The following PTPRG variants were observed in gnomAD, a reference collection of about 807,000 sequenced individuals.
PTPRG encodes protein tyrosine phosphatase receptor type G, also known as receptor-type tyrosine-protein phosphatase gamma.
Under a neutral mutation model 165.3 loss-of-function variants are expected in PTPRG, and 102 were observed. The ratio of observed to expected loss-of-function variants is 0.62; its 90% CI spans 0.53 to 0.73. The LOEUF (loss-of-function observed/expected upper bound fraction) is 0.73, where lower values mean the gene tolerates loss of function less well. Ranked by LOEUF, PTPRG falls within the 30% of genes least tolerant of loss-of-function variation. PTPRG has a pLI of 0.00. For missense variants in PTPRG, 1,866 were observed against 1,861.4 expected (o/e 1.00, Z -0.05); for synonymous variants, 675 against 669.5 (o/e 1.01, Z -0.13).
At chr3:62,139,701 G>C (rs989522308) in intron 6 of PTPRG, among the ~76,000 whole-genome samples, 1 of 152,196 alleles carries the variant, frequency 6.6e-6, no homozygotes, top group African/African-American at 2.4e-5. Context: ...GCTATGACAA[G>C]ATCAAAACTT....
At chr3:62,143,771 A>G (rs988259803) in intron 6 of PTPRG, among the ~76,000 whole-genome samples, 2 of 152,162 alleles carry the variant, frequency 1.3e-5, no homozygotes, top group African/African-American at 4.8e-5. Flanking sequence ...CAGTACTTCA[A>G]AGTTCAGGCT....
chr3:61,586,433 T>G (rs1381125129), intron 1 of PTPRG, among the ~76,000 whole-genome samples: 1 of 152,198 alleles, frequency 6.6e-6, no homozygotes, highest in African/African-American at 2.4e-5. Flanking sequence ...ACCTTCCCAG[T>G]GCAGGGGAAT....
Position 62,110,089 on chromosome 3 carries a change from CTTTTTTTTT to C in PTPRG, c.616-22498_616-22490del, listed in dbSNP as rs371457716. On this transcript the variant is annotated intron_variant, in intron 5 of 29. Coordinates refer to ENST00000474889, the MANE Select transcript of PTPRG (RefSeq NM_002841.4). ...TCTCTCTCTATTCTAGAAATAATGG[CTTTTTTTTT>C]TTTTTTTTTTTTTTGCAGTAGCTTT... 3.1e-3 allele frequency among the ~76,000 whole-genome samples: 244 copies of C among 79,988 alleles called. 3 individuals carry two copies. Among genetic ancestry groups the C allele is most frequent in the African/African-American group, 0.011 (228 of 20,304 alleles). 52.5% of individuals were successfully genotyped at this position (79,988 alleles called of 152,430 possible).
intron 8 of PTPRG, among the ~76,000 whole-genome samples, chr3:62,176,733 T>C (rs9819986): frequency 0.29 from 44,177 of 151,884 alleles, 6,937 homozygotes; most frequent in African/African-American, 0.41. Flanking sequence ...GTGGGGCCAT[T>C]TAGGCAGAAG....
In PTPRG at chr3:61,792,728, CTTTCTTTCTTT is replaced by C. The variant is rs1312930343; in HGVS notation, c.190+43747_190+43757del. On this transcript the variant is annotated intron_variant, in intron 2 of 29. Coordinates refer to ENST00000474889, the MANE Select transcript of PTPRG (RefSeq NM_002841.4). ...TCTTTCTTTCTTTCTTTCTTTCTTTCTTTCTTTCTTTCTTTCTTTGAGATGGAGTCTCGCTC... is the reference window on the plus strand; with the variant it reads ...TCTTTCTTTCTTTCTTTCTTTCTTTCCTTTCTTTGAGATGGAGTCTCGCTC... Among the ~76,000 whole-genome samples the C allele has an allele frequency of 1.2e-4, 7 of 56,038 alleles. 1 individual carries two copies. The highest frequency in any genetic ancestry group is 5.4e-4 in the African/African-American group (7 of 13,042). 36.8% of individuals were successfully genotyped at this position (56,038 alleles called of 152,430 possible).
At chr3:61,851,224 T>C (rs576383723) in intron 2 of PTPRG, among the ~76,000 whole-genome samples, 1 of 152,168 alleles carries the variant, frequency 6.6e-6, no homozygotes, top group African/African-American at 2.4e-5. Flanking sequence ...GGGAAATCTC[T>C]AGCTGAGCTG....
intron 2 of PTPRG, among the ~76,000 whole-genome samples, chr3:61,930,887 C>A (rs897457861): frequency 1.3e-5 from 2 of 152,046 alleles, no homozygotes; most frequent in African/African-American, 4.8e-5. Context: ...ATGGTGAAAC[C>A]CCATCTCTAC....
Position 62,221,594 on chromosome 3 carries a change from T to C in PTPRG, c.2288+2611T>C, listed in dbSNP as rs376762911. 5.0e-3 allele frequency among the ~76,000 whole-genome samples: 754 copies of C among 152,316 alleles called. 4 individuals carry two copies. The highest frequency in any genetic ancestry group is 0.017 in the African/African-American group (716 of 41,566). The stretch of plus-strand genomic sequence containing the variant: ...TGCAGTTTTTTAGCTAGAACAACAG[T>C]GCTTTTCTTCTGCCTTTTGAGGCAC... On this transcript the variant is annotated intron_variant, in intron 13 of 29. Transcript: ENST00000474889.
intron 2 of PTPRG, among the ~76,000 whole-genome samples, chr3:61,952,075 G>T (rs138334370): frequency 1.6e-4 from 22 of 136,888 alleles, no homozygotes; most frequent in African/African-American, 6.1e-4. Context: ...CTGAGATCAC[G>T]CCACAGCACT....
intron 2 of PTPRG, among the ~76,000 whole-genome samples, chr3:61,963,579 A>G (rs77843863): frequency 0.02 from 3,066 of 152,324 alleles, 40 homozygotes; most frequent in Non-Finnish European, 0.03. Flanking sequence ...TGAAATACAT[A>G]TTAATCCACA....
intron 2 of PTPRG, among the ~76,000 whole-genome samples, chr3:61,966,767 C>T (rs1174093121): frequency 6.6e-6 from 1 of 152,198 alleles, no homozygotes; most frequent in Non-Finnish European, 1.5e-5. Context: ...GATTCTGCCA[C>T]TGCAGAGTGG....
intron 2 of PTPRG, among the ~76,000 whole-genome samples, chr3:61,907,223 G>T (rs1305019028): frequency 6.6e-6 from 1 of 151,736 alleles, no homozygotes; most frequent in Non-Finnish European, 1.5e-5. Context: ...CTTAATGCCT[G>T]GTTTATACTC....
chr3:62,202,247 C>A (rs1700111088), intron 11 of PTPRG, among the ~76,000 whole-genome samples: 1 of 152,022 alleles, frequency 6.6e-6, no homozygotes, highest in South Asian at 2.1e-4. Flanking sequence ...TGAGTAAAAC[C>A]CCCAGACTTG....
intron 6 of PTPRG, among the ~76,000 whole-genome samples, chr3:62,139,740 T>C (rs1042168251): frequency 1.3e-5 from 2 of 152,236 alleles, no homozygotes; most frequent in Non-Finnish European, 2.9e-5. Context: ...CTCATGTGAC[T>C]AGTTTGTTCA....
At chr3:61,750,093 C>T (rs2033370803) in intron 2 of PTPRG, 1 of 152,158 alleles carries the variant, frequency 6.6e-6, no homozygotes, top group Non-Finnish European at 1.5e-5. Flanking sequence ...GATAGTGATT[C>T]TGAAGTTTTC....
At chr3:61,640,422 C>T (rs569198066) in intron 1 of PTPRG, among the ~76,000 whole-genome samples, 137 of 152,240 alleles carry the variant, frequency 9.0e-4, no homozygotes, top group African/African-American at 3.3e-3. Flanking sequence ...CCTCCTCCTC[C>T]TCTTCTTTCT....
chr3:62,242,128 A>G (rs948172952), intron 14 of PTPRG, among the ~76,000 whole-genome samples: 7 of 152,240 alleles, frequency 4.6e-5, no homozygotes, highest in African/African-American at 1.4e-4. Flanking sequence ...TTTGTTTCAC[A>G]TAGATTTCCA....
At chr3:62,216,616 T>A (rs1053240468) in intron 12 of PTPRG, among the ~76,000 whole-genome samples, 1 of 151,946 alleles carries the variant, frequency 6.6e-6, no homozygotes, top group Non-Finnish European at 1.5e-5. Context: ...TATTCTTATT[T>A]GCAACTCTGG....
chr3:61,562,954 C>T (rs1160273283), intron 1 of PTPRG, among the ~76,000 whole-genome samples: 1 of 151,834 alleles, frequency 6.6e-6, no homozygotes, highest in Non-Finnish European at 1.5e-5. Flanking sequence ...TCCTCCCTCT[C>T]TCTGGGGGCT....
Sources: gnomAD v4.1 joint callset for allele counts (sites outside exome capture counted in the v4.1 genomes callset) on GRCh38, gnomAD v4.1.1 for gene constraint, MANE v1.5 for transcripts, NCBI Gene and HGNC (gene_info 2026-07-23, HGNC 2026-07-21) for gene names.